MYO1D: variants seen among roughly 807,000 people sequenced by gnomAD.
MYO1D encodes the protein myosin ID.
In MYO1D, 83 loss-of-function variants were observed where a neutral mutation model predicts 122.0. The ratio of observed to expected loss-of-function variants is 0.68; its 90% confidence interval spans 0.57 to 0.82. The LOEUF is 0.82. Among genes scored for constraint, MYO1D ranks in the 40% least tolerant of loss-of-function variants. The pLI is 0.00. For synonymous variants in MYO1D, 464 were observed against 446.9 expected (o/e 1.04, Z -0.48); for missense variants, 1,157 against 1,269.5 (o/e 0.91, Z 1.35).
At chr17:32,819,439 T>C (rs1483421318) in intron 1 of MYO1D, among the ~76,000 whole-genome samples, 4 of 152,192 alleles carry the variant, frequency 2.6e-5, no homozygotes, top group African/African-American at 2.4e-5. Context: ...TGGTGGCAGT[T>C]TCTGCTCCTT....
chr17:32,771,178 G>A lies in MYO1D; in HGVS notation c.661C>T (p.Leu221Phe). 1 of 1,612,010 alleles carries A rather than the reference G, an allele frequency of 6.2e-7. No individual in the cohort carries two copies. Among genetic ancestry groups the A allele is most frequent in the Non-Finnish European group, 8.5e-7 (1 of 1,178,322 alleles). The change falls in exon 6 of 22, where the codon CTC becomes TTC. Residue 221 changes from leucine to phenylalanine, a missense_variant. Transcript: ENST00000318217. ...TTGTAGGATGAAAGGGATTTCTGGA[G>A]ATGTAGAGAGCGTAGCATTTGTTCT... ...GSEQMLRSLH[L>F]QKSLSSYNYI... is the part of the protein sequence containing the mutation.
chr17:32,705,641 C>T (rs1156985970), intron 16 of MYO1D, among the ~76,000 whole-genome samples: 1 of 152,064 alleles, frequency 6.6e-6, no homozygotes, highest in East Asian at 1.9e-4. Flanking sequence ...TTTTATGCAT[C>T]GGAAAGTAAC....
intron 1 of MYO1D, among the ~76,000 whole-genome samples, chr17:32,865,244 A>G (rs1034309450): frequency 1.3e-5 from 2 of 152,250 alleles, no homozygotes; most frequent in Non-Finnish European, 2.9e-5. Flanking sequence ...ACAAAGCAAC[A>G]GTCTGAGATA....
In MYO1D at chr17:32,700,816, C is replaced by T. The variant is rs2729334; in HGVS notation, c.2121+11172G>A. On this transcript the variant is annotated intron_variant, in intron 16 of 21. Coordinates refer to ENST00000318217, the MANE Select transcript of MYO1D (RefSeq NM_015194.3). ...AAAATTAGCCAGGTATGGTGGTGTG[C>T]GCCTGTAATACCAGCTACTTGGGAG... 9.2e-3 allele frequency among the ~76,000 whole-genome samples: 1,391 copies of T among 151,454 alleles called. 58 individuals are homozygous for T. Among genetic ancestry groups the T allele is most frequent in the Admixed American group, 0.077 (1,168 of 15,210 alleles).
Position 32,817,289 on chromosome 17 carries a change from A to ATGAAGAC in MYO1D, c.96-36512_96-36506dup, listed in dbSNP as rs375598084. Among the ~76,000 whole-genome samples the ATGAAGAC allele has an allele frequency of 4.1e-4, 62 of 152,340 alleles. No homozygotes were observed. The South Asian group carries it at 0.012, about 31-fold the overall frequency. ...AAATTTTATGCATTTCTAAAAAGAT[A>ATGAAGAC]TGAAGACTGAAGACTGAAGACTGAA... On this transcript the variant is annotated intron_variant, in intron 1 of 21. Coordinates refer to ENST00000318217, the MANE Select transcript of MYO1D (RefSeq NM_015194.3).
rs1197330526 is a variant in MYO1D, at chr17:32,585,426, T to C, written c.2864+19661A>G. 2.0e-5 allele frequency among the ~76,000 whole-genome samples: 3 copies of C among 152,184 alleles called. No individual in the cohort carries two copies. In the East Asian group the frequency reaches 5.8e-4, roughly 29 times the overall value. On this transcript the variant is annotated intron_variant, in intron 21 of 21. Transcript: ENST00000318217. ...AATTTACTGGCTACTAGTTGCTTTG[T>C]TTCTGTGAGAAAGGGCAGTCTGGCC...
chr17:32,654,837 C>T (rs1391001190), intron 17 of MYO1D, among the ~76,000 whole-genome samples: 1 of 152,130 alleles, frequency 6.6e-6, no homozygotes, highest in Non-Finnish European at 1.5e-5. Flanking sequence ...GCCACCATGC[C>T]TGGTTAATTT....
chr17:32,692,654 C>G (rs1279975770), intron 16 of MYO1D, among the ~76,000 whole-genome samples: 2 of 152,118 alleles, frequency 1.3e-5, no homozygotes, highest in Non-Finnish European at 2.9e-5. Flanking sequence ...AAAAGGTATA[C>G]AGACAACTAA....
intron 12 of MYO1D, among the ~76,000 whole-genome samples, chr17:32,747,777 C>T (rs2089852960): frequency 6.6e-6 from 1 of 151,434 alleles, no homozygotes; most frequent in South Asian, 2.1e-4. Context: ...GCGGAGGTTG[C>T]AGTGAGCTGA....
intron 16 of MYO1D, among the ~76,000 whole-genome samples, chr17:32,693,790 A>G (rs1424914081): frequency 6.6e-6 from 1 of 152,184 alleles, no homozygotes; most frequent in Non-Finnish European, 1.5e-5. Flanking sequence ...ATAAGAAACA[A>G]ATTATTTTTG....
intron 21 of MYO1D, among the ~76,000 whole-genome samples, chr17:32,537,076 G>C (rs1218480458): frequency 6.6e-6 from 1 of 152,170 alleles, no homozygotes; most frequent in Non-Finnish European, 1.5e-5. Flanking sequence ...CAGCAGACTT[G>C]TTTCCTCCTA....
chr17:32,795,507 C>A (rs1288642504), intron 1 of MYO1D, among the ~76,000 whole-genome samples: 2 of 152,028 alleles, frequency 1.3e-5, no homozygotes, highest in Admixed American at 1.3e-4. Flanking sequence ...ATAGCTTCCT[C>A]CCATAAAACG....
rs114869681 is a variant in MYO1D at position 32,840,335 on chromosome 17, G to C, written c.95+36443C>G. Among the ~76,000 whole-genome samples, 306 of 152,244 alleles carry C rather than the reference G, an allele frequency of 2.0e-3. 3 individuals are homozygous for C. The highest frequency in any genetic ancestry group is 7.1e-3 in the African/African-American group (297 of 41,548). On this transcript the variant is annotated intron_variant, in intron 1 of 21. Coordinates refer to ENST00000318217, the MANE Select transcript of MYO1D (RefSeq NM_015194.3). ...CCAAGATAATTAGAACCAGATTCTG[G>C]AACAGAGCTTTTCTCAACGTGGGAG...
chr17:32,793,124 G>A (rs2090373053), intron 1 of MYO1D, among the ~76,000 whole-genome samples: 2 of 151,950 alleles, frequency 1.3e-5, no homozygotes, highest in African/African-American at 4.8e-5. Context: ...CAACTTGGAA[G>A]AGGGCACTTA....
chr17:32,536,067 C>G (rs1222129437), intron 21 of MYO1D, among the ~76,000 whole-genome samples: 2 of 151,594 alleles, frequency 1.3e-5, no homozygotes. Context: ...GAGTCTTGCT[C>G]TGTTGCCCAG....
At chr17:32,826,669 C>G (rs918456363) in intron 1 of MYO1D, among the ~76,000 whole-genome samples, 1 of 152,206 alleles carries the variant, frequency 6.6e-6, no homozygotes, top group African/African-American at 2.4e-5. Context: ...ATCTTCCACA[C>G]TCTTGTGATA....
intron 21 of MYO1D, among the ~76,000 whole-genome samples, chr17:32,531,758 T>C (rs943566750): frequency 3.9e-5 from 6 of 152,244 alleles, no homozygotes; most frequent in African/African-American, 1.4e-4. Flanking sequence ...GGCTAGATTA[T>C]TCTAACACCT....
chr17:32,510,735 C>T (rs115476277), intron 21 of MYO1D: 2 of 152,120 alleles, frequency 1.3e-5, no homozygotes, highest in Admixed American at 1.3e-4. Flanking sequence ...GCGACCCCTG[C>T]GTCGGTTCTC....
At chr17:32,773,542 C>T (rs1457636915) in intron 4 of MYO1D, among the ~76,000 whole-genome samples, 2 of 149,286 alleles carry the variant, frequency 1.3e-5, no homozygotes, top group Non-Finnish European at 3.0e-5. Context: ...CCCCACCCCC[C>T]GACCCCGGCC....
Sources: gnomAD v4.1 joint callset for allele counts (sites outside exome capture counted in the v4.1 genomes callset) on GRCh38, gnomAD v4.1.1 for gene constraint, MANE v1.5 for transcripts, NCBI Gene and HGNC (gene_info 2026-07-23, HGNC 2026-07-21) for gene names.